TMEM132C: variants seen among roughly 807,000 people sequenced by gnomAD.
The protein encoded by TMEM132C is protein phosphatase 1, regulatory subunit 152.
TMEM132C carries 29 observed loss-of-function variants against 61.4 expected under a neutral mutation model. That is an observed-to-expected ratio of 0.47 (90% confidence interval 0.35 to 0.64). TMEM132C has a LOEUF of 0.64. Ranked by LOEUF, TMEM132C falls within the 30% of genes least tolerant of loss-of-function variation. The pLI, the probability that TMEM132C is intolerant of heterozygous loss-of-function variation, is 0.00. For missense variants in TMEM132C, 1,408 were observed against 1,476.9 expected (o/e 0.95, Z 0.76); for synonymous variants, 656 against 633.1 (o/e 1.04, Z -0.54).
intron 1 of TMEM132C, among the ~76,000 whole-genome samples, chr12:128,319,425 C>T (rs1195802315): frequency 1.3e-5 from 2 of 151,794 alleles, no homozygotes; most frequent in South Asian, 2.1e-4. Flanking sequence ...GTGCGGTTCA[C>T]GTGTTCTGTT....
At position 128,329,779 on chromosome 12, in the gene TMEM132C, C is replaced by G. The variant is rs568934409; in HGVS notation, c.85+62292C>G. On this transcript the variant is annotated intron_variant, in intron 1 of 8. Coordinates refer to ENST00000435159, the MANE Select transcript of TMEM132C (RefSeq NM_001136103.3). Reference sequence around the variant, plus strand: ...GGCATGTGGAGACCATTAAGCTGGTCCCAAGATGTCTGGGTGGCTAAACAT... The same window carrying G: ...GGCATGTGGAGACCATTAAGCTGGTGCCAAGATGTCTGGGTGGCTAAACAT... Among the ~76,000 whole-genome samples the G allele has an allele frequency of 2.0e-5, 3 of 152,228 alleles. No individual in the cohort carries two copies. The South Asian group carries it at 6.2e-4, about 32-fold the overall frequency.
At position 128,285,340 on chromosome 12, in the gene TMEM132C, T is replaced by G. The variant is rs188565045; in HGVS notation, c.85+17853T>G. On this transcript the variant is annotated intron_variant, in intron 1 of 8. Coordinates refer to ENST00000435159, the MANE Select transcript of TMEM132C (RefSeq NM_001136103.3). ...TATCAGAATATCATATTGTACCCCA[T>G]GCATATGTACAATTATTGTGTTTTA... 2.0e-5 allele frequency among the ~76,000 whole-genome samples: 3 copies of G among 152,260 alleles called. No individual in the cohort carries two copies. The East Asian group carries it at 5.8e-4, about 29-fold the overall frequency.
chr12:128,589,525 C>A (rs1175750865), intron 3 of TMEM132C, among the ~76,000 whole-genome samples: 1 of 151,606 alleles, frequency 6.6e-6, no homozygotes, highest in Non-Finnish European at 1.5e-5. Flanking sequence ...CCCCCCACCC[C>A]CTTATAAGTT....
rs187542368 is a variant in TMEM132C at position 128,488,931 on chromosome 12, C to T, written c.975-55026C>T. ...TTTCAGTTCATACCTCAGTGCTGTT[C>T]GTCCCACCCAGGTTGATAAAGGTTG... On this transcript the variant is annotated intron_variant, in intron 2 of 8. Coordinates refer to ENST00000435159, the MANE Select transcript of TMEM132C (RefSeq NM_001136103.3). Among the ~76,000 whole-genome samples the T allele has an allele frequency of 1.3e-3, 204 of 152,166 alleles. 2 individuals are homozygous for T. Among genetic ancestry groups the T allele is most frequent in the Non-Finnish European group, 2.2e-3 (148 of 67,996 alleles).
At chr12:128,616,363 C>A in intron 4 of TMEM132C, 28 bp downstream of exon 4, 1 of 1,532,164 alleles carries the variant, frequency 6.5e-7, no homozygotes, top group South Asian at 1.2e-5. Flanking sequence ...TTGGATGCTC[C>A]TGCATTCAGC....
chr12:128,499,436 T>G (rs182072631), intron 2 of TMEM132C, among the ~76,000 whole-genome samples: 10 of 152,298 alleles, frequency 6.6e-5, no homozygotes, highest in African/African-American at 1.9e-4. Context: ...ATTTTAGTTA[T>G]TTTAAAATAT....
intron 1 of TMEM132C, among the ~76,000 whole-genome samples, chr12:128,369,791 A>G (rs1242003610): frequency 6.6e-6 from 1 of 152,186 alleles, no homozygotes; most frequent in Admixed American, 6.6e-5. Context: ...GGCTTGTTTC[A>G]TCGAGGCGTG....
chr12:128,285,727 C>CTT (rs1431282911), intron 1 of TMEM132C, among the ~76,000 whole-genome samples: 1 of 128,792 alleles, frequency 7.8e-6, no homozygotes, highest in African/African-American at 3.3e-5. Flanking sequence ...CTCTTTCTCT[C>CTT]TCTCTCTCTC....
chr12:128,527,619 A>G (rs1565963048), intron 2 of TMEM132C, among the ~76,000 whole-genome samples: 1 of 151,630 alleles, frequency 6.6e-6, no homozygotes, highest in Non-Finnish European at 1.5e-5. Flanking sequence ...TGCAGCAGTA[A>G]CTCTTGACCA....
chr12:128,573,079 T>C (rs1242424269), intron 3 of TMEM132C, among the ~76,000 whole-genome samples: 2 of 152,228 alleles, frequency 1.3e-5, no homozygotes. Flanking sequence ...AAATACCATT[T>C]GACCCAGCCA....
At chr12:128,562,501 A>G (rs914318776) in intron 3 of TMEM132C, among the ~76,000 whole-genome samples, 2 of 152,068 alleles carry the variant, frequency 1.3e-5, no homozygotes, top group African/African-American at 4.8e-5. Context: ...CCAATGCAGT[A>G]TTTTCTCACC....
At chr12:128,397,252 G>A (rs1874994028) in intron 1 of TMEM132C, among the ~76,000 whole-genome samples, 2 of 152,352 alleles carry the variant, frequency 1.3e-5, no homozygotes, top group South Asian at 4.1e-4. Context: ...GGGCCATAGG[G>A]TTTGCTTAAC....
At chr12:128,487,273 T>A (rs1017914631) in intron 2 of TMEM132C, among the ~76,000 whole-genome samples, 1 of 152,156 alleles carries the variant, frequency 6.6e-6, no homozygotes, top group Non-Finnish European at 1.5e-5. Flanking sequence ...ATCAGCCCCT[T>A]CAAGCAACTG....
chr12:128,514,427 C>T (rs1231627594), intron 2 of TMEM132C, among the ~76,000 whole-genome samples: 1 of 152,110 alleles, frequency 6.6e-6, no homozygotes, highest in Non-Finnish European at 1.5e-5. Context: ...GAGTAATTTG[C>T]CCAAGGCCAG....
At chr12:128,584,482 C>G (rs755702828) in intron 3 of TMEM132C, among the ~76,000 whole-genome samples, 3 of 152,198 alleles carry the variant, frequency 2.0e-5, no homozygotes, top group Admixed American at 1.3e-4. Context: ...GGGTCTCTCC[C>G]TACCTAAACA....
chr12:128,617,429 A>G (rs1350703085), intron 4 of TMEM132C, among the ~76,000 whole-genome samples: 2 of 152,228 alleles, frequency 1.3e-5, no homozygotes, highest in African/African-American at 2.4e-5. Flanking sequence ...GGCTTGGGTC[A>G]TGAGCCCAAC....
At chr12:128,555,072 G>A (rs1052862779) in intron 3 of TMEM132C, among the ~76,000 whole-genome samples, 6 of 152,188 alleles carry the variant, frequency 3.9e-5, no homozygotes, top group Non-Finnish European at 7.3e-5. Flanking sequence ...AGCCAGCATC[G>A]TGCTTCAGGG....
At chr12:128,574,275 C>G (rs1875012598) in intron 3 of TMEM132C, among the ~76,000 whole-genome samples, 1 of 152,344 alleles carries the variant, frequency 6.6e-6, no homozygotes, top group African/African-American at 2.4e-5. Flanking sequence ...TTAGTTACGG[C>G]TCATTCCAAT....
At chr12:128,397,453 A>G (rs1036502921) in intron 1 of TMEM132C, among the ~76,000 whole-genome samples, 8 of 152,202 alleles carry the variant, frequency 5.3e-5, no homozygotes, top group Non-Finnish European at 4.4e-5. Context: ...GCAGCAGTGT[A>G]GCAAGGCAGG....
Sources: gnomAD v4.1 joint callset for allele counts (sites outside exome capture counted in the v4.1 genomes callset) on GRCh38, gnomAD v4.1.1 for gene constraint, MANE v1.5 for transcripts, NCBI Gene and HGNC (gene_info 2026-07-23, HGNC 2026-07-21) for gene names.